FANCL: variants seen among roughly 807,000 people sequenced by gnomAD.
FANCL encodes FA complementation group L, also known as E3 ubiquitin-protein ligase FANCL.
FANCL carries 69 observed loss-of-function variants against 59.4 expected under a neutral mutation model. The observed-to-expected ratio is 1.16, with a 90% CI of 0.96 to 1.42. The LOEUF (loss-of-function observed/expected upper bound fraction) is 1.42, where lower values mean the gene tolerates loss of function less well. FANCL is among the 40% of genes most tolerant of loss of function. FANCL has a pLI of 0.00. For missense variants in FANCL, 519 were observed against 447.2 expected (o/e 1.16, Z -1.45); for synonymous variants, 180 against 147.1 (o/e 1.22, Z -1.62).
intron 7 of FANCL, among the ~76,000 whole-genome samples, chr2:58,186,296 G>A (rs893499461): frequency 6.6e-6 from 1 of 152,004 alleles, no homozygotes; most frequent in African/African-American, 2.4e-5. Flanking sequence ...TAAATTTCTG[G>A]GCCATAAGTA....
At chr2:58,230,707 G>A (rs1325051232) in intron 2 of FANCL, among the ~76,000 whole-genome samples, 1 of 151,996 alleles carries the variant, frequency 6.6e-6, no homozygotes, top group Non-Finnish European at 1.5e-5. Flanking sequence ...TCCTCTCTTA[G>A]TGGCAGAGTA....
chr2:58,210,616 C>G (rs1402631792), intron 5 of FANCL, among the ~76,000 whole-genome samples: 1 of 152,152 alleles, frequency 6.6e-6, no homozygotes, highest in Non-Finnish European at 1.5e-5. Context: ...AGTCCAAAGT[C>G]TCATCTAAGA....
intron 4 of FANCL, among the ~76,000 whole-genome samples, chr2:58,222,939 C>G (rs957388774): frequency 6.6e-6 from 1 of 151,524 alleles, no homozygotes. Flanking sequence ...AAAATATAAT[C>G]CTAATAAAAG....
At chr2:58,187,109 T>C (rs189701196) in intron 7 of FANCL, among the ~76,000 whole-genome samples, 2 of 152,234 alleles carry the variant, frequency 1.3e-5, no homozygotes, top group African/African-American at 2.4e-5. Flanking sequence ...TAAAAACACA[T>C]GCACACATAT....
At chr2:58,231,267 T>C (rs572352561) in intron 2 of FANCL, among the ~76,000 whole-genome samples, 4 of 152,274 alleles carry the variant, frequency 2.6e-5, no homozygotes, top group Admixed American at 6.5e-5. Context: ...AAATCCTTCA[T>C]CTGTTGTAAC....
At chr2:58,215,190 C>T (rs890787382) in intron 5 of FANCL, among the ~76,000 whole-genome samples, 2 of 152,176 alleles carry the variant, frequency 1.3e-5, no homozygotes, top group Non-Finnish European at 2.9e-5. Flanking sequence ...GACATCAATG[C>T]CTCAAAACTA....
chr2:58,229,565 A>C (rs988893488), intron 3 of FANCL, among the ~76,000 whole-genome samples: 1 of 152,172 alleles, frequency 6.6e-6, no homozygotes, highest in Non-Finnish European at 1.5e-5. Context: ...GAAGTGATGG[A>C]TATGGATAAG....
At chr2:58,165,092 T>C (rs1046361879) in intron 8 of FANCL, among the ~76,000 whole-genome samples, 8 of 152,124 alleles carry the variant, frequency 5.3e-5, no homozygotes, top group African/African-American at 1.9e-4. Context: ...ATCTAAAATC[T>C]TGAGAAAGGC....
intron 7 of FANCL, among the ~76,000 whole-genome samples, chr2:58,188,770 G>GAA (rs78612128): frequency 7.4e-6 from 1 of 135,238 alleles, no homozygotes; most frequent in Non-Finnish European, 1.6e-5. Flanking sequence ...AATTAGGAAG[G>GAA]AAAAAAAAAA....
At chr2:58,181,986 A>T (rs1687982130) in intron 7 of FANCL, among the ~76,000 whole-genome samples, 1 of 151,754 alleles carries the variant, frequency 6.6e-6, no homozygotes, top group Non-Finnish European at 1.5e-5. Context: ...TCTCTAAAAC[A>T]CACAAATACG....
intron 7 of FANCL, among the ~76,000 whole-genome samples, chr2:58,166,781 C>A (rs1286722781): frequency 6.6e-6 from 1 of 152,222 alleles, no homozygotes; most frequent in Non-Finnish European, 1.5e-5. Flanking sequence ...CTAGCCACTT[C>A]CTTAAACATG....
At chr2:58,175,503 C>A (rs897767728) in intron 7 of FANCL, among the ~76,000 whole-genome samples, 16 of 151,968 alleles carry the variant, frequency 1.1e-4, no homozygotes, top group Non-Finnish European at 1.9e-4. Context: ...TAAATGTAAT[C>A]CAGCACATAA....
chr2:58,216,334 A>C (rs1691719108), intron 5 of FANCL, among the ~76,000 whole-genome samples: 1 of 152,154 alleles, frequency 6.6e-6, no homozygotes, highest in African/African-American at 2.4e-5. Context: ...GAAGAAAATA[A>C]TATCATCTGG....
At chr2:58,224,419 ATAACCCTTATTAAT>A (rs1692777457) in intron 4 of FANCL, among the ~76,000 whole-genome samples, 1 of 151,860 alleles carries the variant, frequency 6.6e-6, no homozygotes, top group African/African-American at 2.4e-5. Flanking sequence ...ATCAAGTTTG[ATAACCCTTATTAAT>A]TAGGATTTAT....
chr2:58,160,526 T>C lies in FANCL; in HGVS notation c.1021-347A>G, dbSNP rs933124085. Reference sequence around the variant, plus strand: ...GTTCCTGGCATTCATAGACTTTCCCTAAATCCATTAATCACAAATTAACAA... The same window carrying C: ...GTTCCTGGCATTCATAGACTTTCCCCAAATCCATTAATCACAAATTAACAA... On this transcript the variant is annotated intron_variant, in intron 12 of 13. Transcript: ENST00000233741. Among the ~76,000 whole-genome samples the C allele has an allele frequency of 7.2e-5, 11 of 152,182 alleles. No individual in the cohort carries two copies. The East Asian group carries it at 1.2e-3, about 16-fold the overall frequency.
chr2:58,163,412 G>T (rs10445896), intron 9 of FANCL, 22 bp downstream of exon 9: 1 of 1,524,102 alleles, frequency 6.6e-7, no homozygotes, highest in East Asian at 2.3e-5. Context: ...ATTAAAAAAC[G>T]TTTAAATCTC....
chr2:58,208,653 C>G (rs373491616), intron 5 of FANCL, among the ~76,000 whole-genome samples: 2 of 152,140 alleles, frequency 1.3e-5, no homozygotes, highest in Non-Finnish European at 2.9e-5. Flanking sequence ...AGACTGAAGA[C>G]CTTCATGTTT....
At chr2:58,189,746 T>C (rs992084397) in intron 7 of FANCL, among the ~76,000 whole-genome samples, 7 of 152,120 alleles carry the variant, frequency 4.6e-5, no homozygotes, top group East Asian at 1.9e-4. Flanking sequence ...AATATCTTCA[T>C]CTTAAGTACT....
intron 5 of FANCL, among the ~76,000 whole-genome samples, chr2:58,218,315 T>TA (rs533632493): frequency 7.2e-5 from 11 of 151,732 alleles, no homozygotes; most frequent in Admixed American, 3.3e-4. Flanking sequence ...ATATTAATGA[T>TA]AAAAAAATAT....
Sources: allele counts gnomAD v4.1 joint callset (sites outside exome capture counted in the v4.1 genomes callset), GRCh38; gene constraint gnomAD v4.1.1; transcripts MANE v1.5; gene names NCBI Gene and HGNC (gene_info 2026-07-23, HGNC 2026-07-21).